The following CDC42BPA variants were observed in gnomAD, a reference collection of about 807,000 sequenced individuals.
CDC42BPA encodes the protein serine/threonine-protein kinase MRCK alpha.
CDC42BPA carries 80 observed loss-of-function variants against 223.5 expected under a neutral mutation model. That is an observed-to-expected ratio of 0.36 (90% CI 0.30 to 0.43). The LOEUF (loss-of-function observed/expected upper bound fraction) is 0.43, where lower values mean the gene tolerates loss of function less well. CDC42BPA is among the 20% of genes least tolerant of loss of function. CDC42BPA has a pLI of 1.00. For synonymous variants in CDC42BPA, 694 were observed against 718.6 expected, an observed-to-expected ratio of 0.97 and a Z score of 0.55; for missense variants, 1,743 against 2,099.9, an observed-to-expected ratio of 0.83 and a Z score of 3.32.
intron 5 of CDC42BPA, among the ~76,000 whole-genome samples, chr1:227,166,720 G>A (rs930680655): frequency 6.6e-6 from 1 of 152,168 alleles, no homozygotes; most frequent in Non-Finnish European, 1.5e-5. Flanking sequence ...ACAAAGTGAG[G>A]AGAAGCCACA....
intron 8 of CDC42BPA, among the ~76,000 whole-genome samples, chr1:227,144,400 C>T (rs1387714741): frequency 1.3e-5 from 2 of 151,806 alleles, no homozygotes; most frequent in Non-Finnish European, 2.9e-5. Flanking sequence ...CACGGTGAAA[C>T]CCCGTCTCTA....
At chr1:227,150,185 C>A (rs951976609) in intron 6 of CDC42BPA, among the ~76,000 whole-genome samples, 1 of 148,658 alleles carries the variant, frequency 6.7e-6, no homozygotes, top group African/African-American at 2.5e-5. Flanking sequence ...GATGGCATCA[C>A]TGCACTCCAG....
intron 2 of CDC42BPA, among the ~76,000 whole-genome samples, chr1:227,221,700 A>G (rs1261478796): frequency 6.6e-6 from 1 of 151,418 alleles, no homozygotes; most frequent in African/African-American, 2.4e-5. Context: ...AGAAAACAAT[A>G]CTCCAAAATG....
chr1:227,181,401 C>T (rs934596053), intron 5 of CDC42BPA, among the ~76,000 whole-genome samples: 1 of 152,054 alleles, frequency 6.6e-6, no homozygotes, highest in African/African-American at 2.4e-5. Flanking sequence ...TATTTCAGAA[C>T]CTCAATGGTC....
At chr1:227,028,516 A>G (rs1668681105) in intron 30 of CDC42BPA, 141 bp downstream of exon 30, 4 of 553,096 alleles carry the variant, frequency 7.2e-6, no homozygotes, top group Non-Finnish European at 6.1e-6. Flanking sequence ...CATCAACAAC[A>G]TAATCAATAC....
chr1:227,281,927 C>T lies in CDC42BPA; in HGVS notation c.179-27772G>A, dbSNP rs1180142904. Among the ~76,000 whole-genome samples the T allele has an allele frequency of 2.6e-5, 4 of 152,112 alleles. No homozygotes were observed. In the South Asian group the frequency reaches 6.2e-4, roughly 24 times the overall value. On this transcript the variant is annotated intron_variant, in intron 1 of 36. Transcript: ENST00000366766. ...AAGAGAAGCCAGGCATGTTGGCTCA[C>T]GCCTGTAATCCCAGCACTTTGGGAG...
At chr1:227,263,751 T>G (rs1458347072) in intron 1 of CDC42BPA, among the ~76,000 whole-genome samples, 1 of 151,932 alleles carries the variant, frequency 6.6e-6, no homozygotes, top group African/African-American at 2.4e-5. Context: ...CCGGCTAATT[T>G]TTGTATTTTT....
In CDC42BPA at chr1:227,055,895, T is replaced by TA. The variant is rs199727614; in HGVS notation, c.2905-3911dup. On this transcript the variant is annotated intron_variant, in intron 21 of 36. Coordinates refer to ENST00000366766, the MANE Select transcript of CDC42BPA (RefSeq NM_001394014.1). ...AGTATCATTTTACTTAATGCTCTGT[T>TA]AAAAAAAAAAAGAGGAAAAGCTGAA... 3.9e-3 allele frequency among the ~76,000 whole-genome samples: 564 copies of TA among 145,058 alleles called. 2 individuals carry two copies. Among genetic ancestry groups the TA allele is most frequent in the Non-Finnish European group, 5.2e-3 (339 of 65,710 alleles).
At chr1:227,048,736 A>C (rs1415289866) in intron 22 of CDC42BPA, among the ~76,000 whole-genome samples, 2 of 141,822 alleles carry the variant, frequency 1.4e-5, no homozygotes, top group Non-Finnish European at 3.1e-5. Flanking sequence ...GCCACTGCTT[A>C]ATCAGCAAAG....
intron 1 of CDC42BPA, among the ~76,000 whole-genome samples, chr1:227,303,536 G>C (rs1457071424): frequency 2.0e-5 from 3 of 152,176 alleles, no homozygotes; most frequent in Non-Finnish European, 4.4e-5. Flanking sequence ...AATTGCTCTA[G>C]AGTTTCTACT....
chr1:227,087,300 T>C (rs1291481564), intron 16 of CDC42BPA, among the ~76,000 whole-genome samples: 3 of 152,214 alleles, frequency 2.0e-5, no homozygotes, highest in Non-Finnish European at 4.4e-5. Flanking sequence ...TCCAGTACTA[T>C]ATGAAAAGAT....
chr1:227,110,714 A>G (rs962646451), intron 14 of CDC42BPA, among the ~76,000 whole-genome samples: 8 of 152,222 alleles, frequency 5.3e-5, no homozygotes, highest in African/African-American at 1.9e-4. Context: ...TGATGTAATT[A>G]CTTCTACATA....
intron 5 of CDC42BPA, among the ~76,000 whole-genome samples, chr1:227,173,312 T>C (rs1666410183): frequency 6.6e-6 from 1 of 152,170 alleles, no homozygotes; most frequent in African/African-American, 2.4e-5. Context: ...ATCTGTATAG[T>C]GAAGGCCTAA....
rs111577611 is a variant in CDC42BPA, at chr1:227,109,538, G to T, written c.2001+2774C>A. Among the ~76,000 whole-genome samples, 715 of 152,008 alleles carry T rather than the reference G, an allele frequency of 4.7e-3. 7 individuals are homozygous for T. The highest frequency in any genetic ancestry group is 0.016 in the African/African-American group (675 of 41,442). ...GCGCCACCACGTTCAGCTAATTTTT[G>T]TATTTTTAGTAGAGACGGGGTTTCA... is the stretch of plus-strand genomic sequence containing the variant. On this transcript the variant is annotated intron_variant, in intron 14 of 36. Coordinates refer to ENST00000366766, the MANE Select transcript of CDC42BPA (RefSeq NM_001394014.1).
chr1:227,182,300 G>T (rs1668079857), intron 5 of CDC42BPA, among the ~76,000 whole-genome samples: 1 of 152,056 alleles, frequency 6.6e-6, no homozygotes, highest in African/African-American at 2.4e-5. Context: ...CCTTATAGCT[G>T]GTAAGAAAAA....
chr1:227,256,936 TATATATATACAG>T (rs1417284094), intron 1 of CDC42BPA, among the ~76,000 whole-genome samples: 1 of 93,270 alleles, frequency 1.1e-5, no homozygotes, highest in African/African-American at 4.6e-5. Context: ...CAAAATGTGA[TATATATATACAG>T]ACACACACAC....
chr1:227,086,349 T>C (rs1681889981), intron 16 of CDC42BPA, among the ~76,000 whole-genome samples: 1 of 152,230 alleles, frequency 6.6e-6, no homozygotes, highest in African/African-American at 2.4e-5. Context: ...AATAGGAGAA[T>C]TGCCAGGTTG....
intron 21 of CDC42BPA, among the ~76,000 whole-genome samples, chr1:227,068,149 CAATT>C (rs1039830455): frequency 6.6e-6 from 1 of 151,672 alleles, no homozygotes; most frequent in Non-Finnish European, 1.5e-5. Flanking sequence ...AGAAATAAAT[CAATT>C]AAACATTGAT....
At chr1:227,278,553 C>A (rs1455433328) in intron 1 of CDC42BPA, among the ~76,000 whole-genome samples, 1 of 152,150 alleles carries the variant, frequency 6.6e-6, no homozygotes, top group Non-Finnish European at 1.5e-5. Flanking sequence ...TGCATGGGAT[C>A]AAGTTATTGG....
Sources: allele counts gnomAD v4.1 joint callset (sites outside exome capture counted in the v4.1 genomes callset), GRCh38; gene constraint gnomAD v4.1.1; transcripts MANE v1.5; gene names NCBI Gene and HGNC (gene_info 2026-07-23, HGNC 2026-07-21).